TBC1D9: variants seen among roughly 807,000 people sequenced by gnomAD.
TBC1D9 encodes the protein TBC1 domain family member 9A.
A neutral mutation model predicts 132.0 loss-of-function variants in TBC1D9; 63 were observed. That is an observed-to-expected ratio of 0.48 (90% CI 0.39 to 0.59). The LOEUF (loss-of-function observed/expected upper bound fraction) is 0.59, where lower values mean the gene tolerates loss of function less well. Among genes scored for constraint, TBC1D9 ranks in the 20% least tolerant of loss-of-function variants. TBC1D9 has a pLI of 0.00. For missense variants in TBC1D9, 1,261 were observed against 1,592.7 expected, an observed-to-expected ratio of 0.79 and a Z score of 3.54; for synonymous variants, 610 against 609.9, an observed-to-expected ratio of 1.00 and a Z score of 0.00.
At chr4:140,751,402 T>G (rs988387233) in intron 1 of TBC1D9, among the ~76,000 whole-genome samples, 1 of 152,194 alleles carries the variant, frequency 6.6e-6, no homozygotes, top group Non-Finnish European at 1.5e-5. Context: ...ATACAATACC[T>G]AACCCCTACT....
intron 13 of TBC1D9, among the ~76,000 whole-genome samples, chr4:140,654,324 G>T (rs1737232621): frequency 6.6e-6 from 1 of 152,180 alleles, no homozygotes; most frequent in Non-Finnish European, 1.5e-5. Context: ...AGAGAGAAAG[G>T]GGAAGGGGGT....
intron 2 of TBC1D9, among the ~76,000 whole-genome samples, chr4:140,690,534 C>G (rs907624591): frequency 3.9e-4 from 60 of 152,068 alleles, no homozygotes; most frequent in African/African-American, 1.3e-3. Flanking sequence ...ACTTGTGTCA[C>G]ATGAAAAGGC....
intron 16 of TBC1D9, 79 bp from the exon 17 acceptor site, chr4:140,628,444 C>T: frequency 5.4e-6 from 7 of 1,290,290 alleles, no homozygotes; most frequent in Non-Finnish European, 7.8e-6. Context: ...TCTAAAAAGT[C>T]TACTTCATAC....
intron 16 of TBC1D9, among the ~76,000 whole-genome samples, chr4:140,630,540 G>C (rs539175730): frequency 2.0e-4 from 30 of 152,198 alleles, no homozygotes; most frequent in African/African-American, 7.0e-4. Flanking sequence ...GACATAAGAT[G>C]GTAGTTTAGG....
At chr4:140,643,734 G>A in intron 13 of TBC1D9, 1 of 1,204,042 alleles carries the variant, frequency 8.3e-7, no homozygotes. Flanking sequence ...CCGGCCCGGG[G>A]AATCCACGCA....
chr4:140,640,795 C>T (rs80259784), intron 13 of TBC1D9, among the ~76,000 whole-genome samples: 5,755 of 151,874 alleles, frequency 0.038, 299 homozygotes, highest in African/African-American at 0.12. Flanking sequence ...TTGCTACAAC[C>T]GTTCTGAAAA....
intron 1 of TBC1D9, among the ~76,000 whole-genome samples, chr4:140,714,203 T>G (rs1329353257): frequency 6.6e-6 from 1 of 152,200 alleles, no homozygotes; most frequent in Non-Finnish European, 1.5e-5. Flanking sequence ...TCAAGCTCTG[T>G]AAAATATTTA....
intron 3 of TBC1D9, among the ~76,000 whole-genome samples, chr4:140,682,891 T>A (rs1264295912): frequency 1.3e-5 from 2 of 152,170 alleles, no homozygotes; most frequent in African/African-American, 4.8e-5. Flanking sequence ...AATTTATTTA[T>A]TTATTTATTT....
rs1478630938 is a variant in TBC1D9 at position 140,755,931 on chromosome 4, C to T, written c.115G>A (p.Gly39Ser). 6.3e-7 allele frequency: 1 copy of T among 1,579,276 alleles called. No individual in the cohort carries two copies. The highest frequency in any genetic ancestry group is 2.3e-5 in the East Asian group (1 of 42,852). Residue 39 changes from glycine (G) to serine (S), a missense_variant, in exon 1 of 21, where the codon GGC (glycine) becomes AGC (serine). Around this residue, in one of 3 missense-constraint regions of TBC1D9, gnomAD observed 550 missense variants for 699.0 expected, o/e 0.79. Transcript: ENST00000442267. ...CGGTCCTTACCCGCCAGTCCGCCGC[C>T]GCCGCCTCCATCGCCGGCGTGGCCC... Reference protein sequence around the residue: ...RKGHAGDGGGGGGLAGLLVGT... With the variant: ...RKGHAGDGGGSGGLAGLLVGT...
At chr4:140,631,383 C>T (rs1807851) in intron 16 of TBC1D9, among the ~76,000 whole-genome samples, 36,254 of 151,666 alleles carry the variant, frequency 0.24, 5,986 homozygotes, top group African/African-American at 0.48. Flanking sequence ...CCAGTACGCC[C>T]GGCTAATTTT....
chr4:140,644,809 AGCTCC>A, intron 13 of TBC1D9: 1 of 409,136 alleles, frequency 2.4e-6, no homozygotes, highest in Non-Finnish European at 4.9e-6. Context: ...CCGCTCCATC[AGCTCC>A]GCAAAGTGAG....
At chr4:140,745,086 T>C (rs1738817702) in intron 1 of TBC1D9, among the ~76,000 whole-genome samples, 1 of 152,004 alleles carries the variant, frequency 6.6e-6, no homozygotes, top group Non-Finnish European at 1.5e-5. Flanking sequence ...CCTCTTTGAG[T>C]AGTCCTGTCT....
chr4:140,727,681 C>A (rs1312524790), intron 1 of TBC1D9, among the ~76,000 whole-genome samples: 1 of 152,064 alleles, frequency 6.6e-6, no homozygotes, highest in African/African-American at 2.4e-5. Context: ...GTCTCTTAAG[C>A]AAAGAAATTT....
chr4:140,678,794 A>C, intron 5 of TBC1D9, 148 bp downstream of exon 5: 1 of 933,368 alleles, frequency 1.1e-6, no homozygotes, highest in East Asian at 2.5e-5. Context: ...AACTGGTAGC[A>C]CCTCAGCTAG....
intron 1 of TBC1D9, among the ~76,000 whole-genome samples, chr4:140,741,846 T>C (rs887268189): frequency 1.3e-5 from 2 of 152,226 alleles, no homozygotes; most frequent in Non-Finnish European, 2.9e-5. Flanking sequence ...AACTCCTTTC[T>C]ATTGATTCCA....
At chr4:140,674,063 C>T (rs1296084765) in intron 6 of TBC1D9, among the ~76,000 whole-genome samples, 1 of 152,126 alleles carries the variant, frequency 6.6e-6, no homozygotes, top group Non-Finnish European at 1.5e-5. Flanking sequence ...GAATTGGTTT[C>T]CCTAGCTGGT....
chr4:140,644,757 G>A (rs1482002208), intron 13 of TBC1D9: 5 of 402,206 alleles, frequency 1.2e-5, no homozygotes, highest in Non-Finnish European at 2.4e-5. Context: ...GGGGGCTGCA[G>A]CCTGGAGAGT....
At chr4:140,737,269 C>G (rs928424035) in intron 1 of TBC1D9, among the ~76,000 whole-genome samples, 3 of 152,014 alleles carry the variant, frequency 2.0e-5, no homozygotes, top group Non-Finnish European at 4.4e-5. Flanking sequence ...AGTGAGGGGC[C>G]CCTGAGCGGA....
intron 2 of TBC1D9, among the ~76,000 whole-genome samples, chr4:140,700,449 C>CA (rs897110400): frequency 0.022 from 2,806 of 129,164 alleles, 77 homozygotes; most frequent in African/African-American, 0.071. Flanking sequence ...GACTCCGTCC[C>CA]AAAAAAAAAA....
Sources: gnomAD v4.1 joint callset for allele counts (sites outside exome capture counted in the v4.1 genomes callset) on GRCh38, gnomAD v4.1.1 for gene constraint, gnomAD v4.1.1 regional missense constraint, MANE v1.5 for transcripts, NCBI Gene and HGNC (gene_info 2026-07-23, HGNC 2026-07-21) for gene names.